TOM1L2: variants seen among roughly 807,000 people sequenced by gnomAD.
The protein encoded by TOM1L2 is target of myb1 like 2 membrane trafficking protein, also known as TOM1-like protein 2.
In TOM1L2, 31 loss-of-function variants were observed where a neutral mutation model predicts 67.9. That is an observed-to-expected ratio of 0.46 (90% CI 0.34 to 0.62). The LOEUF is 0.62. Ranked by LOEUF, TOM1L2 falls within the 20% of genes least tolerant of loss-of-function variation. The probability of loss-of-function intolerance (pLI) is 0.01; values close to 1 mark genes in which losing one functional copy is unlikely to be tolerated. For synonymous variants in TOM1L2, 256 were observed against 254.0 expected (o/e 1.01, Z -0.07); for missense variants, 606 against 663.5 (o/e 0.91, Z 0.95).
At chr17:17,964,370 A>G (rs924005794) in intron 1 of TOM1L2, among the ~76,000 whole-genome samples, 2 of 152,226 alleles carry the variant, frequency 1.3e-5, no homozygotes, top group Admixed American at 1.3e-4. Context: ...TAATATCCCA[A>G]GTAAATAAAT....
In TOM1L2 at chr17:17,844,567, GCTC is replaced by G. The variant is rs1268556778; in HGVS notation, c.*3065_*3067del. ...AGCAACAACCCCTTGAGGCTCCAAA[GCTC>G]CTTGTCCCATGCACGCTGGTAAGCG... On this transcript the variant is annotated 3_prime_UTR_variant, in exon 15 of 15. Transcript: ENST00000379504. The G allele has an allele frequency of 2.0e-5, 3 of 152,336 alleles. No individual in the cohort carries two copies. The highest frequency in any genetic ancestry group is 1.3e-4 in the Admixed American group (2 of 15,284). 9.4% of individuals were successfully genotyped at this position (152,336 alleles called of 1,614,324 possible).
At chr17:17,917,450 CTTTTTTTTTTTTTTTT>C (rs71155307) in intron 1 of TOM1L2, among the ~76,000 whole-genome samples, 30 of 36,348 alleles carry the variant, frequency 8.3e-4, no homozygotes, top group African/African-American at 2.7e-3. Flanking sequence ...TACCATTGGT[CTTTTTTTTTTTTTTTT>C]TTTTTTTTTT....
intron 12 of TOM1L2, among the ~76,000 whole-genome samples, chr17:17,855,751 G>A (rs2036220157): frequency 6.6e-6 from 1 of 152,192 alleles, no homozygotes; most frequent in Non-Finnish European, 1.5e-5. Context: ...AACAATTTCT[G>A]TAGCTCAGGT....
At chr17:17,882,936 C>G (rs2037807123) in intron 5 of TOM1L2, 73 bp from the exon 6 acceptor site, 2 of 1,567,694 alleles carry the variant, frequency 1.3e-6, no homozygotes, top group Admixed American at 3.4e-5. Context: ...CTACCCCACC[C>G]CATGCAGCAC....
At chr17:17,891,784 C>T (rs1468429762) in intron 4 of TOM1L2, among the ~76,000 whole-genome samples, 4 of 143,128 alleles carry the variant, frequency 2.8e-5, no homozygotes, top group Admixed American at 2.1e-4. Flanking sequence ...TGCATGCACA[C>T]GTGTGTGTGT....
At chr17:17,856,913 C>T (rs2036280947) in intron 12 of TOM1L2, among the ~76,000 whole-genome samples, 3 of 152,212 alleles carry the variant, frequency 2.0e-5, no homozygotes, top group Admixed American at 1.3e-4. Flanking sequence ...CAACATTGAA[C>T]TCCCCTGGGC....
intron 1 of TOM1L2, among the ~76,000 whole-genome samples, chr17:17,909,188 AAAACAAAC>A (rs942869314): frequency 1.3e-5 from 2 of 152,176 alleles, no homozygotes; most frequent in Admixed American, 1.3e-4. Context: ...CTCAAAAACA[AAAACAAAC>A]AAACAAACAA....
intron 1 of TOM1L2, among the ~76,000 whole-genome samples, chr17:17,922,773 T>G (rs947844634): frequency 1.3e-5 from 2 of 152,196 alleles, no homozygotes; most frequent in African/African-American, 4.8e-5. Flanking sequence ...AATTCTTAAC[T>G]TGTGTATTCT....
At position 17,847,321 on chromosome 17, in the gene TOM1L2, C is replaced by A. The variant is rs924610508; in HGVS notation, c.*314G>T. 5.4e-6 allele frequency: 2 copies of A among 367,628 alleles called. No individual in the cohort carries two copies. The highest frequency in any genetic ancestry group is 2.1e-5 in the African/African-American group (1 of 47,496). The allele number at this position is 367,628 out of a possible 1,614,324, so 22.8% of individuals were successfully genotyped here. The stretch of plus-strand genomic sequence containing the variant: ...ATGGGCGGGTGGAGGAAAGACAGTC[C>A]GGGTGGTCTGCTCAGGAAGCACTGC... On this transcript the variant is annotated 3_prime_UTR_variant, in exon 15 of 15. Transcript: ENST00000379504.
intron 1 of TOM1L2, among the ~76,000 whole-genome samples, chr17:17,912,341 T>C (rs1306811326): frequency 3.4e-5 from 5 of 146,102 alleles, no homozygotes; most frequent in African/African-American, 7.7e-5. Context: ...CGCTCCTCAC[T>C]TCCCAGACGG....
Position 17,914,149 on chromosome 17 carries a change from G to A in TOM1L2, c.53-6618C>T, listed in dbSNP as rs183627778. Among the ~76,000 whole-genome samples, 312 of 152,320 alleles carry A rather than the reference G, an allele frequency of 2.0e-3. 3 individuals are homozygous for A. The highest frequency in any genetic ancestry group is 6.7e-3 in the East Asian group (35 of 5,188). On this transcript the variant is annotated intron_variant, in intron 1 of 14. Transcript: ENST00000379504. ...AGGTGGTGAGTCATTCCCTCTGGGCGTGGACAGAGGAGGGGTGTTCAGAGA... is the reference window on the plus strand; with the variant it reads ...AGGTGGTGAGTCATTCCCTCTGGGCATGGACAGAGGAGGGGTGTTCAGAGA...
intron 3 of TOM1L2, 107 bp from the exon 4 acceptor site, chr17:17,893,917 A>T (rs965974044): frequency 7.5e-6 from 9 of 1,196,076 alleles, no homozygotes; most frequent in Admixed American, 2.4e-5. Flanking sequence ...TCTTGCTCCT[A>T]GATCAGCTTT....
At chr17:17,900,449 G>A (rs1191016742) in intron 2 of TOM1L2, among the ~76,000 whole-genome samples, 2 of 148,216 alleles carry the variant, frequency 1.3e-5, no homozygotes, top group Non-Finnish European at 3.0e-5. Flanking sequence ...TTGAACCTGA[G>A]ATGTGAAGGT....
chr17:17,894,116 C>G (rs1374779051), intron 3 of TOM1L2, among the ~76,000 whole-genome samples: 1 of 152,210 alleles, frequency 6.6e-6, no homozygotes, highest in East Asian at 1.9e-4. Flanking sequence ...ATCAAAATGA[C>G]TGAGCGGTCC....
rs564822254 is a variant in TOM1L2, at chr17:17,958,638, G to C, written c.52+13624C>G. Among the ~76,000 whole-genome samples, 7 of 152,286 alleles carry C rather than the reference G, an allele frequency of 4.6e-5. No individual in the cohort carries two copies. The South Asian group carries it at 1.5e-3, about 32-fold the overall frequency. On this transcript the variant is annotated intron_variant, in intron 1 of 14. Transcript: ENST00000379504. ...GAAGACATGTAAGAGTCATAAAACT[G>C]AGTCACTGTGGGACCTTGGCAAGTC...
intron 2 of TOM1L2, among the ~76,000 whole-genome samples, chr17:17,902,669 T>C (rs2038909283): frequency 6.6e-6 from 1 of 152,108 alleles, no homozygotes; most frequent in Admixed American, 6.5e-5. Context: ...GCAGACAGGG[T>C]AAGGGCAGTG....
chr17:17,882,764 A>C lies in TOM1L2; in HGVS notation c.601T>G (p.Ser201Ala), dbSNP rs1356221251. ...SYSSPPPAPY[S>A]APQAPALSVT... The stretch of plus-strand genomic sequence containing the variant: ...CTCAGAGCTGGGGCCTGCGGTGCGG[A>C]GTAGGGAGCAGGAGGCGGCGAGGAA... Residue 201 changes from serine (S) to alanine (A), a missense_variant, in exon 6 of 15, where the codon TCC (serine) becomes GCC (alanine). Ser to Ala is a moderately conservative substitution (Grantham distance 99). This residue lies in a region of TOM1L2 where 543 missense variants were observed against 554.0 expected (regional missense o/e 0.98). Transcript: ENST00000379504. 1 of 1,613,958 alleles carries C rather than the reference A, an allele frequency of 6.2e-7. No homozygotes were observed. Among genetic ancestry groups the C allele is most frequent in the African/African-American group, 1.3e-5 (1 of 74,896 alleles).
At chr17:17,945,259 C>A (rs2040892453) in intron 1 of TOM1L2, among the ~76,000 whole-genome samples, 1 of 149,540 alleles carries the variant, frequency 6.7e-6, no homozygotes, top group Non-Finnish European at 1.5e-5. Flanking sequence ...TTTCACCACA[C>A]ACACACATAC....
intron 1 of TOM1L2, among the ~76,000 whole-genome samples, chr17:17,920,389 G>A (rs1219045187): frequency 2.2e-5 from 3 of 135,238 alleles, no homozygotes; most frequent in Non-Finnish European, 4.6e-5. Flanking sequence ...TGCCCAGGCT[G>A]GAGTGCAGTG....
Sources: allele counts gnomAD v4.1 joint callset (sites outside exome capture counted in the v4.1 genomes callset), GRCh38; gene constraint gnomAD v4.1.1; regional missense constraint gnomAD v4.1.1; transcripts MANE v1.5; gene names NCBI Gene and HGNC (gene_info 2026-07-23, HGNC 2026-07-21).